Variants in KNOP1 observed in about 807,000 individuals in gnomAD.
The protein encoded by KNOP1 is lysine rich nucleolar protein 1.
KNOP1 carries 20 observed loss-of-function variants against 30.6 expected under a neutral mutation model. The observed-to-expected ratio is 0.65, with a 90% confidence interval of 0.46 to 0.95. The LOEUF (loss-of-function observed/expected upper bound fraction) is 0.95, where lower values mean the gene tolerates loss of function less well. KNOP1 is among the 40% of genes least tolerant of loss of function. The pLI is 0.00. For missense variants in KNOP1, 540 were observed against 562.0 expected, an observed-to-expected ratio of 0.96 and a Z score of 0.40; for synonymous variants, 204 against 210.0, an observed-to-expected ratio of 0.97 and a Z score of 0.25.
rs973499255 is a variant in KNOP1, at chr16:19,706,086, G to A, written c.*824C>T. 1 of 152,278 alleles carries A rather than the reference G, an allele frequency of 6.6e-6. No individual in the cohort carries two copies. The highest frequency in any genetic ancestry group is 1.5e-5 in the Non-Finnish European group (1 of 68,092). 9.4% of individuals were successfully genotyped at this position (152,278 alleles called of 1,614,324 possible). On this transcript the variant is annotated 3_prime_UTR_variant, in exon 5 of 5. Transcript: ENST00000219837. ...CCCAGCAGCAGCAGCTCAGTCACAT[G>A]TGTTTGGTAACAACTCAGACACCTC...
rs757024607 is a variant in KNOP1 at position 19,714,575 on chromosome 16, T to C, written c.461A>G (p.Glu154Gly). The stretch of plus-strand genomic sequence containing the variant: ...TGTGGGGTCCTGGGCCCCCTTTTTT[T>C]CCTTCTTGTGTTTTTTGAGCTTCTT... ...VGKKLKKHKK[E>G]KKGAQDPTAF... Residue 154 changes from glutamate (E) to glycine (G), a missense_variant, in exon 2 of 5, where the codon GAA (glutamate) becomes GGA (glycine). Transcript: ENST00000219837. 475 of 1,614,022 alleles carry C rather than the reference T, an allele frequency of 2.9e-4. 1 individual carries two copies. The highest frequency in any genetic ancestry group is 3.8e-4 in the Non-Finnish European group (453 of 1,180,046).
chr16:19,705,083 C>A lies in KNOP1; in HGVS notation c.*1827G>T. The A allele has an allele frequency of 4.5e-6, 2 of 441,548 alleles. No individual in the cohort carries two copies. Among genetic ancestry groups the A allele is most frequent in the South Asian group, 1.6e-5 (1 of 62,480 alleles). 27.4% of individuals were successfully genotyped at this position (441,548 alleles called of 1,614,324 possible). A position where few individuals can be genotyped will look rare whatever the true frequency, so the allele number is the denominator to read the frequency against. ...GGCTTCTGGAAGTTTCCTTGAGACACAAAAAGGCTTTTCTTCCTCTGGAAT... is the reference window on the plus strand; with the variant it reads ...GGCTTCTGGAAGTTTCCTTGAGACAAAAAAAGGCTTTTCTTCCTCTGGAAT... On this transcript the variant is annotated 3_prime_UTR_variant, in exon 5 of 5. Transcript: ENST00000219837.
Position 19,718,218 on chromosome 16 carries a change from A to T in KNOP1, c.-63T>A, listed in dbSNP as rs972674435. ...CAGCTCCGCCGTGACCCGGAAGTCC[A>T]CTTCGAGTCGCCGGCCCACCCTCTC... On this transcript the variant is annotated 5_prime_UTR_variant, in exon 1 of 5. Coordinates refer to ENST00000219837, the MANE Select transcript of KNOP1 (RefSeq NM_001012991.3). 13 of 1,532,270 alleles carry T rather than the reference A, an allele frequency of 8.5e-6. No individual in the cohort carries two copies. Among genetic ancestry groups the T allele is most frequent in the Admixed American group, 4.0e-5 (2 of 50,142 alleles). 94.9% of individuals were successfully genotyped at this position (1,532,270 alleles called of 1,614,324 possible). A position where few individuals can be genotyped will look rare whatever the true frequency, so the allele number is the denominator to read the frequency against.
intron 4 of KNOP1, among the ~76,000 whole-genome samples, chr16:19,709,200 G>A (rs998264940): frequency 3.9e-5 from 6 of 152,168 alleles, no homozygotes; most frequent in African/African-American, 1.4e-4. Context: ...AGGCTCAGGG[G>A]AAGGTACCTG....
intron 1 of KNOP1, among the ~76,000 whole-genome samples, chr16:19,715,775 A>G (rs565164376): frequency 2.6e-5 from 4 of 152,184 alleles, no homozygotes; most frequent in South Asian, 2.1e-4. Flanking sequence ...ATGAGTCACA[A>G]TGATGCACAG....
Position 19,705,181 on chromosome 16 carries a change from G to A in KNOP1, c.*1729C>T. The A allele has an allele frequency of 2.2e-6, 1 of 456,060 alleles. No homozygotes were observed. Among genetic ancestry groups the A allele is most frequent in the Non-Finnish European group, 4.4e-6 (1 of 226,804 alleles). 28.3% of individuals were successfully genotyped at this position (456,060 alleles called of 1,614,324 possible). ...TACTAGCCTTGATGAAGCCAACACT[G>A]GAGATGATGGAGAGAATGCTTCCTT... On this transcript the variant is annotated 3_prime_UTR_variant, in exon 5 of 5. Coordinates refer to ENST00000219837, the MANE Select transcript of KNOP1 (RefSeq NM_001012991.3).
chr16:19,709,019 C>T (rs1204298796), intron 4 of KNOP1, among the ~76,000 whole-genome samples: 3 of 152,198 alleles, frequency 2.0e-5, no homozygotes, highest in Non-Finnish European at 4.4e-5. Flanking sequence ...CCCGGGACAT[C>T]GGCTCCGAAT....
rs1333686630 is a variant in KNOP1 at position 19,703,520 on chromosome 16, T to TA, written c.*3389dup. Reference sequence around the variant, plus strand: ...GAGGAGATGTGGTAGGAAGGGGTGTTATTCTGCCAACTTCTTTTGTGAGGA... The same window carrying TA: ...GAGGAGATGTGGTAGGAAGGGGTGTTAATTCTGCCAACTTCTTTTGTGAGGA... On this transcript the variant is annotated 3_prime_UTR_variant, in exon 5 of 5. Transcript: ENST00000219837. The TA allele has an allele frequency of 6.6e-6, 1 of 152,252 alleles. No individual in the cohort carries two copies. 9.4% of individuals were successfully genotyped at this position (152,252 alleles called of 1,614,324 possible). A position where few individuals can be genotyped will look rare whatever the true frequency, so the allele number is the denominator to read the frequency against.
intron 4 of KNOP1, 134 bp from the exon 5 acceptor site, chr16:19,707,355 A>C: frequency 8.0e-5 from 54 of 673,900 alleles, no homozygotes; most frequent in Non-Finnish European, 9.2e-5. Flanking sequence ...TAATAAGCTC[A>C]ACAACGGATT....
rs1597458190 is a variant in KNOP1, at chr16:19,706,908, G to C, written c.*2C>G. ...AGTTTTGGGGGGACAAAACTCTAGA[G>C]TTTAATCTTCCAGCTTGACTGACTT... On this transcript the variant is annotated 3_prime_UTR_variant, in exon 5 of 5. Transcript: ENST00000219837. The C allele has an allele frequency of 6.2e-7, 1 of 1,611,844 alleles. No homozygotes were observed. Among genetic ancestry groups the C allele is most frequent in the Non-Finnish European group, 8.5e-7 (1 of 1,179,798 alleles).
At chr16:19,708,161 T>G (rs573221828) in intron 4 of KNOP1, among the ~76,000 whole-genome samples, 22 of 151,304 alleles carry the variant, frequency 1.5e-4, no homozygotes, top group African/African-American at 4.6e-4. Flanking sequence ...GAAGTGTGCT[T>G]CTCAGAAGCA....
Position 19,716,701 on chromosome 16 carries a change from C to G in KNOP1, c.-3+1457G>C, listed in dbSNP as rs138912860. ...ACCTAATCCCAGGTTTCCGTTACCC[C>G]TGGTCAACCCTGGTCCCAAAATAGG... On this transcript the variant is annotated intron_variant, in intron 1 of 4. Coordinates refer to ENST00000219837, the MANE Select transcript of KNOP1 (RefSeq NM_001012991.3). Among the ~76,000 whole-genome samples, 16 of 152,350 alleles carry G rather than the reference C, an allele frequency of 1.1e-4. No individual in the cohort carries two copies. The East Asian group carries it at 3.1e-3, about 29-fold the overall frequency.
At chr16:19,708,948 T>C (rs1976564755) in intron 4 of KNOP1, among the ~76,000 whole-genome samples, 1 of 152,008 alleles carries the variant, frequency 6.6e-6, no homozygotes, top group African/African-American at 2.4e-5. Context: ...TGGCATGGCA[T>C]GTCCCAGCCC....
At chr16:19,710,911 CAAAAA>C (rs547237111) in intron 3 of KNOP1, among the ~76,000 whole-genome samples, 1 of 80,648 alleles carries the variant, frequency 1.2e-5, no homozygotes, top group African/African-American at 4.0e-5. Flanking sequence ...GACTCCGTCT[CAAAAA>C]AAAAAAAAAA....
Position 19,714,078 on chromosome 16 carries a change from A to G in KNOP1, c.918+40T>C. 1.9e-6 allele frequency: 3 copies of G among 1,565,844 alleles called. No homozygotes were observed. The South Asian group carries it at 3.6e-5, about 19-fold the overall frequency. Reference sequence around the variant, plus strand: ...ACACCCCTCCCAAACCCCACCCTTAATTCTCCCACGGCAAAGTCCATTTCT... The same window carrying G: ...ACACCCCTCCCAAACCCCACCCTTAGTTCTCCCACGGCAAAGTCCATTTCT... On this transcript the variant is annotated intron_variant, in intron 2 of 4. Transcript: ENST00000219837.
chr16:19,713,501 G>A (rs1291743630), intron 2 of KNOP1, among the ~76,000 whole-genome samples: 1 of 152,138 alleles, frequency 6.6e-6, no homozygotes, highest in East Asian at 1.9e-4. Context: ...TTCTTCCTTT[G>A]GGGGTGGCTG....
In KNOP1 at chr16:19,711,401, CT is replaced by C. The variant is rs759734033; in HGVS notation, c.957del (p.Gly320AlafsTer8). 3 of 1,613,758 alleles carry C rather than the reference CT, an allele frequency of 1.9e-6. No individual in the cohort carries two copies. Among genetic ancestry groups the C allele is most frequent in the South Asian group, 1.1e-5 (1 of 91,060 alleles). ...DTDLEVVLEK[K>X]GNMDEAHIDQ... ...TCTATGTGCGCCTCATCCATGTTGC[CT>C]TTTTTTTCCAACACCACCTCTAAGT... is the stretch of plus-strand genomic sequence containing the variant. On this transcript the variant is annotated frameshift_variant, in exon 3 of 5. Coordinates refer to ENST00000219837, the MANE Select transcript of KNOP1 (RefSeq NM_001012991.3). LOFTEE classifies it high-confidence loss of function.
At position 19,705,189 on chromosome 16, in the gene KNOP1, T is replaced by C. The variant is rs1394936547; in HGVS notation, c.*1721A>G. On this transcript the variant is annotated 3_prime_UTR_variant, in exon 5 of 5. Coordinates refer to ENST00000219837, the MANE Select transcript of KNOP1 (RefSeq NM_001012991.3). ...TTGATGAAGCCAACACTGGAGATGATGGAGAGAATGCTTCCTTGGCGAGCT... is the reference window on the plus strand; with the variant it reads ...TTGATGAAGCCAACACTGGAGATGACGGAGAGAATGCTTCCTTGGCGAGCT... 13 of 455,940 alleles carry C rather than the reference T, an allele frequency of 2.9e-5. No homozygotes were observed. The highest frequency in any genetic ancestry group is 4.8e-5 in the Non-Finnish European group (11 of 226,810). The allele number at this position is 455,940 out of a possible 1,614,324, so 28.2% of individuals were successfully genotyped here.
intron 1 of KNOP1, 27 bp from the exon 2 acceptor site, chr16:19,715,064 C>T (rs752473799): frequency 2.7e-6 from 4 of 1,493,372 alleles, no homozygotes; most frequent in Admixed American, 2.2e-5. Context: ...TACAAGTTAT[C>T]CCATACCAAG....
Sources: gnomAD v4.1 joint callset for allele counts (sites outside exome capture counted in the v4.1 genomes callset) on GRCh38, gnomAD v4.1.1 for gene constraint, MANE v1.5 for transcripts, NCBI Gene and HGNC (gene_info 2026-07-23, HGNC 2026-07-21) for gene names.